MAMLD1: variants seen among roughly 807,000 people sequenced by gnomAD.
MAMLD1 encodes the protein mastermind-like domain-containing protein 1.
MAMLD1 carries 14 observed loss-of-function variants against 45.0 expected under a neutral mutation model. The ratio of observed to expected loss-of-function variants is 0.31; its 90% confidence interval spans 0.21 to 0.49. MAMLD1 has a LOEUF of 0.49. Ranked by LOEUF, MAMLD1 falls within the 20% of genes least tolerant of loss-of-function variation. The probability of loss-of-function intolerance (pLI) is 0.99; values close to 1 mark genes in which losing one functional copy is unlikely to be tolerated. For synonymous variants in MAMLD1, 254 were observed against 247.8 expected (o/e 1.02, Z -0.24); for missense variants, 543 against 603.6 (o/e 0.90, Z 1.05).
At chrX:150,505,091 C>G (rs1287223986) in intron 6 of MAMLD1, 3 of 751,357 alleles carry the variant, frequency 4.0e-6, no homozygotes, top group Non-Finnish European at 4.7e-6. Context: ...AGACAGAAAA[C>G]AAAGGGTAAA....
At chrX:150,383,623 C>T (rs1603223825) in intron 1 of MAMLD1, among the ~76,000 whole-genome samples, 1 of 111,101 alleles carries the variant, frequency 9.0e-6, no homozygotes, top group East Asian at 2.8e-4. Flanking sequence ...CATTCACATA[C>T]CACCGAATTC....
chrX:150,480,920 C>T (rs1468699506), intron 5 of MAMLD1, among the ~76,000 whole-genome samples: 8 of 112,500 alleles, frequency 7.1e-5, no homozygotes, highest in Admixed American at 5.6e-4. Context: ...GCTCAGGTTC[C>T]GGCCAGCTTT....
At chrX:150,424,746 A>G (rs782475847) in intron 1 of MAMLD1, among the ~76,000 whole-genome samples, 239 of 112,669 alleles carry the variant, frequency 2.1e-3, no homozygotes, top group African/African-American at 7.2e-3. Flanking sequence ...GATATAATTC[A>G]TATACCATTC....
At chrX:150,363,726 C>T (rs1019848916) in intron 1 of MAMLD1, among the ~76,000 whole-genome samples, 196 bp downstream of exon 1, 1 of 112,622 alleles carries the variant, frequency 8.9e-6, no homozygotes, top group Non-Finnish European at 1.9e-5. Context: ...ACCAGCCCGG[C>T]TGGGCTGGGC....
chrX:150,444,488 G>A lies in MAMLD1; in HGVS notation c.-63-966G>A, dbSNP rs146171556. ...AACTCGCCACTGCATCATTGCTCAG[G>A]TCCCAAGGTCCCTAACCAGTATACT... On this transcript the variant is annotated intron_variant, in intron 1 of 7. Transcript: ENST00000370401. 5.4e-5 allele frequency among the ~76,000 whole-genome samples: 6 copies of A among 111,609 alleles called. No individual in the cohort carries two copies. The East Asian group carries it at 1.4e-3, about 26-fold the overall frequency.
intron 1 of MAMLD1, among the ~76,000 whole-genome samples, chrX:150,440,239 TG>T (rs1352714583): frequency 1.8e-5 from 2 of 110,981 alleles, no homozygotes; most frequent in East Asian, 5.6e-4. Flanking sequence ...AACTTGATCA[TG>T]GTATATAAAT....
chrX:150,494,894 C>CAAAA (rs2037322472), intron 5 of MAMLD1, among the ~76,000 whole-genome samples: 1 of 107,277 alleles, frequency 9.3e-6, no homozygotes, highest in Admixed American at 9.9e-5. Flanking sequence ...CAATACAAAA[C>CAAAA]AAACAAACAA....
At chrX:150,486,524 G>A (rs1295491274) in intron 5 of MAMLD1, among the ~76,000 whole-genome samples, 3 of 111,806 alleles carry the variant, frequency 2.7e-5, no homozygotes, top group Non-Finnish European at 5.6e-5. Flanking sequence ...TCAAGAGAAG[G>A]AAGACTTAGT....
chrX:150,461,919 C>T (rs1036664323), intron 2 of MAMLD1, among the ~76,000 whole-genome samples: 93 of 112,346 alleles, frequency 8.3e-4, no homozygotes, highest in African/African-American at 3.0e-3. Flanking sequence ...ATGAACCAGA[C>T]TACAGGAGAT....
chrX:150,499,434 T>G (rs2037487880), intron 5 of MAMLD1, among the ~76,000 whole-genome samples: 1 of 112,010 alleles, frequency 8.9e-6, no homozygotes, highest in Non-Finnish European at 1.9e-5. Flanking sequence ...TTCATCCACT[T>G]CTTGCAAAGC....
At chrX:150,455,199 C>T (rs2035814023) in intron 2 of MAMLD1, among the ~76,000 whole-genome samples, 1 of 112,230 alleles carries the variant, frequency 8.9e-6, no homozygotes, top group Admixed American at 9.4e-5. Flanking sequence ...AATTAGGATT[C>T]ATAAGAAAGG....
intron 1 of MAMLD1, among the ~76,000 whole-genome samples, chrX:150,376,510 T>A (rs782382841): frequency 9.0e-6 from 1 of 110,707 alleles, no homozygotes; most frequent in Non-Finnish European, 1.9e-5. Context: ...AGGCCCAGCT[T>A]GCAACCCACT....
chrX:150,374,269 A>G (rs782236165), intron 1 of MAMLD1, among the ~76,000 whole-genome samples: 24 of 112,859 alleles, frequency 2.1e-4, no homozygotes, highest in African/African-American at 7.1e-4. Flanking sequence ...GAAAGCCTCA[A>G]TATGAGCTTT....
intron 1 of MAMLD1, among the ~76,000 whole-genome samples, chrX:150,368,365 G>C (rs2031682633): frequency 9.0e-6 from 1 of 110,854 alleles, no homozygotes; most frequent in Non-Finnish European, 1.9e-5. Flanking sequence ...CTTCTTTTGA[G>C]AAGTGTCTGT....
At chrX:150,484,786 A>G (rs1307962682) in intron 5 of MAMLD1, among the ~76,000 whole-genome samples, 1 of 112,630 alleles carries the variant, frequency 8.9e-6, no homozygotes, top group African/African-American at 3.2e-5. Context: ...TCAGAGCTAG[A>G]TTGACATCCA....
At chrX:150,437,591 G>A (rs959474405) in intron 1 of MAMLD1, among the ~76,000 whole-genome samples, 2 of 111,799 alleles carry the variant, frequency 1.8e-5, no homozygotes, top group East Asian at 2.8e-4. Context: ...GTTGAATTTT[G>A]TTGAAGGCTT....
intron 1 of MAMLD1, among the ~76,000 whole-genome samples, chrX:150,422,236 A>C: frequency 8.9e-6 from 1 of 112,127 alleles, no homozygotes; most frequent in South Asian, 3.7e-4. Flanking sequence ...CAGAATGTGG[A>C]CCCAAGGAAA....
chrX:150,382,800 C>G (rs1449034509), intron 1 of MAMLD1, among the ~76,000 whole-genome samples: 3 of 108,920 alleles, frequency 2.8e-5, no homozygotes, highest in Non-Finnish European at 5.7e-5. Context: ...TGTATTCATA[C>G]TTGTTGATGT....
chrX:150,393,334 TC>T, intron 1 of MAMLD1, among the ~76,000 whole-genome samples: 1 of 112,444 alleles, frequency 8.9e-6, no homozygotes, highest in South Asian at 3.7e-4. Context: ...TCACAGTTTA[TC>T]CATTCACCTA....
Sources: allele counts gnomAD v4.1 joint callset (sites outside exome capture counted in the v4.1 genomes callset), GRCh38; gene constraint gnomAD v4.1.1; transcripts MANE v1.5; gene names NCBI Gene and HGNC (gene_info 2026-07-23, HGNC 2026-07-21).